ASCC2: variants seen among roughly 807,000 people sequenced by gnomAD.
ASCC2 encodes activating signal cointegrator 1 complex subunit 2.
In ASCC2, 42 loss-of-function variants were observed where a neutral mutation model predicts 93.5. That is an observed-to-expected ratio of 0.45 (90% CI 0.35 to 0.58). ASCC2 has a LOEUF of 0.58. Ranked by LOEUF, ASCC2 falls within the 20% of genes least tolerant of loss-of-function variation. The pLI is 0.00. For synonymous variants in ASCC2, 364 were observed against 384.2 expected (o/e 0.95, Z 0.62); for missense variants, 859 against 977.6 (o/e 0.88, Z 1.62).
chr22:29,825,113 G>A lies in ASCC2; in HGVS notation c.385C>T (p.Arg129Cys), dbSNP rs1413310763. The change falls in exon 4 of 20, where the codon CGC becomes TGC. Residue 129 changes from arginine (R) to cysteine (C), a missense_variant. By Grantham distance (180) the Arg-to-Cys change is radical. Transcript: ENST00000307790. This position sits in a 1 kb window ranked among gnomAD's most constrained non-coding sequence, Gnocchi z 4.9. ...TTGGATTCCTTGTGAGTGGACATGC[G>A]GAGGAAGGTGAGAAAAACACTTCGA... ...LHRSVFLTFL[R>C]MSTHKESKDH... is the part of the protein sequence containing the mutation. The A allele has an allele frequency of 3.3e-6, 5 of 1,515,038 alleles. No homozygotes were observed. Among genetic ancestry groups the A allele is most frequent in the Non-Finnish European group, 4.4e-6 (5 of 1,130,458 alleles). 93.8% of individuals were successfully genotyped at this position (1,515,038 alleles called of 1,614,324 possible).
intron 15 of ASCC2, among the ~76,000 whole-genome samples, chr22:29,797,767 A>G (rs1052229366): frequency 6.6e-6 from 1 of 152,160 alleles, no homozygotes; most frequent in Non-Finnish European, 1.5e-5. Flanking sequence ...TAAAATTTTA[A>G]TTATTATTAT....
chr22:29,801,876 G>C lies in ASCC2; in HGVS notation c.1568+118C>G, dbSNP rs1222407905. 15 of 892,608 alleles carry C rather than the reference G, an allele frequency of 1.7e-5. No individual in the cohort carries two copies. The East Asian group carries it at 3.7e-4, about 22-fold the overall frequency. The allele number at this position is 892,608 out of a possible 1,614,324, so 55.3% of individuals were successfully genotyped here. A position where few individuals can be genotyped will look rare whatever the true frequency, so the allele number is the denominator to read the frequency against. On this transcript the variant is annotated intron_variant, in intron 14 of 19. Coordinates refer to ENST00000307790, the MANE Select transcript of ASCC2 (RefSeq NM_032204.5). ...CCCCAAAGAGGGCTTTAGTTTAAAT[G>C]GCTGGGAAGAGAGAACAAGCTGAGT...
chr22:29,795,124 G>A (rs2058269619), intron 15 of ASCC2, among the ~76,000 whole-genome samples: 1 of 151,994 alleles, frequency 6.6e-6, no homozygotes, highest in South Asian at 2.1e-4. Context: ...TGGGGTATCT[G>A]CCATGTTGGT....
chr22:29,798,042 C>T (rs183664509), intron 15 of ASCC2, among the ~76,000 whole-genome samples: 4 of 152,328 alleles, frequency 2.6e-5, no homozygotes, highest in African/African-American at 7.2e-5. Context: ...GCAGGGATTA[C>T]AGCCACCACG....
intron 15 of ASCC2, among the ~76,000 whole-genome samples, chr22:29,799,907 C>G (rs1601867639): frequency 6.6e-6 from 1 of 152,296 alleles, no homozygotes; most frequent in Non-Finnish European, 1.5e-5. Context: ...ACTGCCTCAG[C>G]CTCCAGAGTA....
chr22:29,825,682 G>A lies in ASCC2; in HGVS notation c.180C>T (p.Thr60=). The A allele has an allele frequency of 6.2e-7, 1 of 1,614,266 alleles. No individual in the cohort carries two copies. Among genetic ancestry groups the A allele is most frequent in the Non-Finnish European group, 8.5e-7 (1 of 1,180,046 alleles). The part of the protein sequence containing the change: ...ALVEEYLERA[T]FVANDLDWLL... ...GCCAGTCGAGGTCATTGGCTACGAA[G>A]GTGGCGCGTTCCAGGTACTCCTCCA... Residue 60 remains threonine (T), a synonymous_variant, in exon 3 of 20, where the codon ACC becomes ACT. Coordinates refer to ENST00000307790, the MANE Select transcript of ASCC2 (RefSeq NM_032204.5). The surrounding 1 kb of genome is among the most constrained non-coding windows in gnomAD (Gnocchi z 4.9).
chr22:29,806,926 CA>C lies in ASCC2; in HGVS notation c.909-23del, dbSNP rs778353390. ...AAGCCTAGGCCAGAGAGAAAAAAGA[CA>C]CAGGTTTAGGAGACAAAAAGGCCCT... is the stretch of plus-strand genomic sequence containing the variant. On this transcript the variant is annotated intron_variant, in intron 9 of 19. Transcript: ENST00000307790. 11 of 1,596,318 alleles carry C rather than the reference CA, an allele frequency of 6.9e-6. No individual in the cohort carries two copies. The South Asian group carries it at 1.2e-4, about 18-fold the overall frequency.
rs542303202 is a variant in ASCC2, at chr22:29,819,682, T to C, written c.541+2653A>G. ...ACTCCCCAAGTGCTAAAGCCTGGCA[T>C]GAAGCCCTTCCCAATCTGGCTCCAA... On this transcript the variant is annotated intron_variant, in intron 5 of 19. Transcript: ENST00000307790. 3.5e-4 allele frequency among the ~76,000 whole-genome samples: 54 copies of C among 152,310 alleles called. 1 individual carries two copies. In the Middle Eastern group the frequency reaches 0.024, roughly 67 times the overall value.
intron 15 of ASCC2, 58 bp downstream of exon 15, chr22:29,800,933 T>G: frequency 6.5e-7 from 1 of 1,529,160 alleles, no homozygotes; most frequent in Non-Finnish European, 8.9e-7. Flanking sequence ...GGTTTCCCTG[T>G]GTCCTCTCTG....
chr22:29,836,840 ACTG>A lies in ASCC2; in HGVS notation c.-18+1335_-18+1337del, dbSNP rs1326101933. Among the ~76,000 whole-genome samples the A allele has an allele frequency of 7.9e-5, 12 of 152,212 alleles. No homozygotes were observed. The South Asian group carries it at 8.3e-4, about 10-fold the overall frequency. On this transcript the variant is annotated intron_variant, in intron 1 of 19. Transcript: ENST00000307790. ...AATGCTGGGATTACAGGCATGAGTCACTGCCCGGCCATTCAAATATTTTTGAAC... is the reference window on the plus strand; with the variant it reads ...AATGCTGGGATTACAGGCATGAGTCACCCGGCCATTCAAATATTTTTGAAC...
intron 2 of ASCC2, among the ~76,000 whole-genome samples, chr22:29,829,533 C>T (rs973704579): frequency 1.3e-5 from 2 of 152,162 alleles, no homozygotes; most frequent in East Asian, 1.9e-4. Context: ...CTAGCCTGGC[C>T]AACATGGTGA....
intron 2 of ASCC2, chr22:29,827,399 T>C (rs2062506328): frequency 9.0e-6 from 3 of 333,484 alleles, no homozygotes; most frequent in South Asian, 5.2e-5. Flanking sequence ...GGTCTGTTGA[T>C]CCAGGGGATA....
intron 5 of ASCC2, among the ~76,000 whole-genome samples, chr22:29,818,104 A>C (rs1201937089): frequency 8.2e-6 from 1 of 121,564 alleles, no homozygotes; most frequent in Admixed American, 7.7e-5. Flanking sequence ...ATTGCTTGGA[A>C]AAAAAAAAAA....
chr22:29,807,198 G>A (rs2059767318), intron 9 of ASCC2, among the ~76,000 whole-genome samples: 1 of 132,626 alleles, frequency 7.5e-6, no homozygotes, highest in South Asian at 2.4e-4. Flanking sequence ...CCATGATGGT[G>A]CCATTCCAGC....
Position 29,789,048 on chromosome 22 carries a change from C to G in ASCC2, c.2239G>C (p.Asp747His), listed in dbSNP as rs902256047. ...ATCATGCCTTTGCTCCTCTTGCGGT[C>G]GGCCATGGTTCTCCGGTTGTGGTTG... Reference protein sequence around the residue: ...RANHNRRTMADRKRSKGMIPS With the variant: ...RANHNRRTMAHRKRSKGMIPS The change falls in exon 20 of 20, where the codon GAC (aspartate) becomes CAC (histidine). Residue 747 changes from aspartate to histidine, a missense_variant. Coordinates refer to ENST00000307790, the MANE Select transcript of ASCC2 (RefSeq NM_032204.5). 1 of 1,614,114 alleles carries G rather than the reference C, an allele frequency of 6.2e-7. No individual in the cohort carries two copies. The highest frequency in any genetic ancestry group is 1.1e-5 in the South Asian group (1 of 91,066).
chr22:29,791,506 C>G (rs193110081), intron 18 of ASCC2, among the ~76,000 whole-genome samples: 13 of 152,186 alleles, frequency 8.5e-5, no homozygotes, highest in African/African-American at 2.9e-4. Context: ...ATGGTGAAAC[C>G]CCGTCTTTAC....
At chr22:29,807,041 A>G in intron 9 of ASCC2, 137 bp from the exon 10 acceptor site, 1 of 640,854 alleles carries the variant, frequency 1.6e-6, no homozygotes, top group East Asian at 2.8e-5. Context: ...GGAGTTTGAG[A>G]CCAGCCTGAG....
chr22:29,824,916 T>TTAGA (rs1378510810), intron 4 of ASCC2, among the ~76,000 whole-genome samples, 171 bp downstream of exon 4: 3 of 152,072 alleles, frequency 2.0e-5, no homozygotes, highest in African/African-American at 7.2e-5. Flanking sequence ...ACCCAGTGAA[T>TTAGA]TAGAGGATAA....
At position 29,812,886 on chromosome 22, in the gene ASCC2, GT is replaced by G. The variant is rs111804922; in HGVS notation, c.833+543del. ...GAACTGAAACTATTCTTGGTTGTGC[GT>G]TTTTTTTTTTTTTAGATGGAGTCTT... On this transcript the variant is annotated intron_variant, in intron 8 of 19. Transcript: ENST00000307790. Among the ~76,000 whole-genome samples the G allele has an allele frequency of 3.6e-3, 518 of 143,654 alleles. 1 individual carries two copies. The highest frequency in any genetic ancestry group is 0.018 in the South Asian group (83 of 4,510). The allele number at this position is 143,654 out of a possible 152,430, so 94.2% of individuals were successfully genotyped here.
Sources: allele counts gnomAD v4.1 joint callset (sites outside exome capture counted in the v4.1 genomes callset), GRCh38; gene constraint gnomAD v4.1.1; non-coding constraint Gnocchi (gnomAD v3.1); transcripts MANE v1.5; gene names NCBI Gene and HGNC (gene_info 2026-07-23, HGNC 2026-07-21).